Variants in PAK5 observed in about 807,000 individuals in gnomAD.
PAK5 encodes the protein serine/threonine-protein kinase PAK 5.
A neutral mutation model predicts 65.9 loss-of-function variants in PAK5; 16 were observed. That is an observed-to-expected ratio of 0.24 (90% CI 0.16 to 0.37). PAK5 has a LOEUF of 0.37. PAK5 is among the 10% of genes least tolerant of loss of function. PAK5 has a pLI of 1.00. For synonymous variants in PAK5, 371 were observed against 354.9 expected, an observed-to-expected ratio of 1.05 and a Z score of -0.51; for missense variants, 785 against 903.9, an observed-to-expected ratio of 0.87 and a Z score of 1.69.
At chr20:9,689,474 C>T (rs890874026) in intron 2 of PAK5, among the ~76,000 whole-genome samples, 43 of 152,258 alleles carry the variant, frequency 2.8e-4, no homozygotes, top group African/African-American at 7.7e-4. Context: ...TGTCTACATC[C>T]GGCAGCCTAA....
At position 9,800,183 on chromosome 20, in the gene PAK5, C is replaced by A. The variant is rs190875284; in HGVS notation, c.-162+38579G>T. Reference sequence around the variant, plus strand: ...TGATATTAGCTGAGCACTAGAACAACGATCTTCACCTTCTTCTCTAACTTT... The same window carrying A: ...TGATATTAGCTGAGCACTAGAACAAAGATCTTCACCTTCTTCTCTAACTTT... On this transcript the variant is annotated intron_variant, in intron 1 of 9. Coordinates refer to ENST00000353224, the MANE Select transcript of PAK5 (RefSeq NM_177990.4). Among the ~76,000 whole-genome samples, 485 of 152,092 alleles carry A rather than the reference C, an allele frequency of 3.2e-3. 5 individuals carry two copies. The highest frequency in any genetic ancestry group is 0.011 in the African/African-American group (470 of 41,506).
intron 1 of PAK5, among the ~76,000 whole-genome samples, chr20:9,724,844 C>T (rs1367914587): frequency 6.6e-6 from 1 of 151,834 alleles, no homozygotes. Flanking sequence ...AGCACAGTAG[C>T]ATAATTATAG....
intron 1 of PAK5, among the ~76,000 whole-genome samples, chr20:9,795,023 C>T (rs1201633655): frequency 6.6e-6 from 1 of 152,010 alleles, no homozygotes; most frequent in African/African-American, 2.4e-5. Context: ...GAGAGTTTTG[C>T]CCTTCTGGAT....
At chr20:9,732,193 T>TA (rs967461162) in intron 1 of PAK5, among the ~76,000 whole-genome samples, 3 of 39,910 alleles carry the variant, frequency 7.5e-5, no homozygotes, top group East Asian at 6.1e-4. Flanking sequence ...AAGTTTAAGT[T>TA]AAAAAAAAAG....
At position 9,566,176 on chromosome 20, in the gene PAK5, T is replaced by A. The variant is rs2122997933; in HGVS notation, c.1199A>T (p.Tyr400Phe). Residue 400 changes from tyrosine (Y) to phenylalanine (F), a missense_variant, in exon 5 of 10, where the codon TAC (tyrosine) becomes TTC (phenylalanine). Tyr to Phe is a conservative substitution (Grantham distance 22). Transcript: ENST00000353224. ...SSSQYISTAS[Y>F]LSSLSLSSST... ...GGATGAGAGGCTGAGGGAGCTCAGG[T>A]AGGAAGCCGTGGAGATGTACTGCGA... 2 of 1,613,624 alleles carry A rather than the reference T, an allele frequency of 1.2e-6. No homozygotes were observed. The highest frequency in any genetic ancestry group is 1.7e-6 in the Non-Finnish European group (2 of 1,179,888).
chr20:9,648,493 CA>C (rs2047162869), intron 2 of PAK5, among the ~76,000 whole-genome samples: 1 of 148,930 alleles, frequency 6.7e-6, no homozygotes, highest in South Asian at 2.1e-4. Context: ...TTTGCATAAA[CA>C]GTTTAGGCAC....
chr20:9,720,490 GT>G (rs1276167302), intron 1 of PAK5, among the ~76,000 whole-genome samples: 3 of 152,034 alleles, frequency 2.0e-5, no homozygotes, highest in African/African-American at 7.2e-5. Flanking sequence ...TTTATTTAAT[GT>G]TTTGATAGCT....
chr20:9,607,005 T>C (rs551612611), intron 3 of PAK5, among the ~76,000 whole-genome samples: 1 of 152,312 alleles, frequency 6.6e-6, no homozygotes, highest in Admixed American at 6.5e-5. Flanking sequence ...AAATTTGATA[T>C]AAAAGATCTT....
intron 3 of PAK5, among the ~76,000 whole-genome samples, chr20:9,618,603 T>A (rs2046706425): frequency 6.6e-6 from 1 of 150,974 alleles, no homozygotes; most frequent in African/African-American, 2.4e-5. Context: ...TTAGTAGAGA[T>A]GGGGTTTCAC....
At chr20:9,611,018 C>T (rs977438916) in intron 3 of PAK5, among the ~76,000 whole-genome samples, 2 of 152,196 alleles carry the variant, frequency 1.3e-5, no homozygotes, top group Non-Finnish European at 2.9e-5. Context: ...GCAAAACCTG[C>T]TAGCACCTTG....
At chr20:9,606,421 T>C (rs1243152966) in intron 3 of PAK5, among the ~76,000 whole-genome samples, 1 of 152,176 alleles carries the variant, frequency 6.6e-6, no homozygotes, top group Non-Finnish European at 1.5e-5. Context: ...AGTTAATTTT[T>C]TGTAGCAGTG....
intron 3 of PAK5, among the ~76,000 whole-genome samples, chr20:9,633,584 G>T (rs1044916260): frequency 6.6e-6 from 1 of 152,156 alleles, no homozygotes; most frequent in East Asian, 1.9e-4. Flanking sequence ...TTTTGGTCAG[G>T]CCTGTTGCCT....
chr20:9,678,900 G>A, intron 2 of PAK5, among the ~76,000 whole-genome samples: 1 of 152,140 alleles, frequency 6.6e-6, no homozygotes, highest in East Asian at 1.9e-4. Context: ...TGAGATTTGG[G>A]TGGGGACACA....
At chr20:9,670,082 C>A (rs2123364157) in intron 2 of PAK5, among the ~76,000 whole-genome samples, 1 of 152,240 alleles carries the variant, frequency 6.6e-6, no homozygotes, top group Admixed American at 6.5e-5. Flanking sequence ...TCATCCATGT[C>A]CCTACAAAGG....
rs567900621 is a variant in PAK5, at chr20:9,688,353, T to A, written c.-12+22933A>T. ...GTGTTATTTAGGAGAGGACAGAGAA[T>A]CTCTTTAAACTCGAGCGGCTTCTTC... On this transcript the variant is annotated intron_variant, in intron 2 of 9. Transcript: ENST00000353224. 3.1e-4 allele frequency among the ~76,000 whole-genome samples: 47 copies of A among 151,960 alleles called. 2 individuals are homozygous for A. In the South Asian group the frequency reaches 9.6e-3, roughly 31 times the overall value.
chr20:9,611,976 AT>A (rs2046569456), intron 3 of PAK5, among the ~76,000 whole-genome samples: 1 of 152,130 alleles, frequency 6.6e-6, no homozygotes, highest in South Asian at 2.1e-4. Flanking sequence ...TACCACTGTG[AT>A]GTCTCTTCTA....
intron 1 of PAK5, among the ~76,000 whole-genome samples, chr20:9,732,010 C>T (rs2048339519): frequency 6.6e-6 from 1 of 152,066 alleles, no homozygotes; most frequent in African/African-American, 2.4e-5. Context: ...AATTCATTTA[C>T]ATGGAAAATT....
intron 2 of PAK5, among the ~76,000 whole-genome samples, chr20:9,660,365 T>C (rs568040684): frequency 8.2e-6 from 1 of 121,980 alleles, no homozygotes; most frequent in Non-Finnish European, 1.8e-5. Context: ...CTTAGGGCTC[T>C]CTCCATCTTT....
chr20:9,644,319 T>C lies in PAK5; in HGVS notation c.10A>G (p.Lys4Glu), dbSNP rs1342873352. Residue 4 changes from lysine (K) to glutamate (E), a missense_variant, in exon 3 of 10, where the codon AAG becomes GAG. Coordinates refer to ENST00000353224, the MANE Select transcript of PAK5 (RefSeq NM_177990.4). ...GATATTTCAATCTTTTTCTTTTTCT[T>C]CCCAAACATGATGCCAAAACCTGGG... MFGKKKKKIEISGP... is the reference protein window; with the variant it reads MFGEKKKKIEISGP... 24 of 1,610,024 alleles carry C rather than the reference T, an allele frequency of 1.5e-5. No individual in the cohort carries two copies. The highest frequency in any genetic ancestry group is 2.0e-5 in the Non-Finnish European group (23 of 1,178,440).
Sources: gnomAD v4.1 joint callset for allele counts (sites outside exome capture counted in the v4.1 genomes callset) on GRCh38, gnomAD v4.1.1 for gene constraint, MANE v1.5 for transcripts, NCBI Gene and HGNC (gene_info 2026-07-23, HGNC 2026-07-21) for gene names.